Variants in SF1 observed in about 807,000 individuals in gnomAD.
SF1 encodes the protein splicing factor 1.
A neutral mutation model predicts 62.5 loss-of-function variants in SF1; 7 were observed. The ratio of observed to expected loss-of-function variants is 0.11; its 90% CI spans 0.06 to 0.21. The LOEUF (loss-of-function observed/expected upper bound fraction) is 0.21. Among genes scored for constraint, SF1 ranks in the 10% least tolerant of loss-of-function variants. The pLI is 1.00. For synonymous variants in SF1, 394 were observed against 323.6 expected (o/e 1.22, Z -2.33); for missense variants, 578 against 884.0 (o/e 0.65, Z 4.39).
intron 12 of SF1, 67 bp downstream of exon 12, chr11:64,766,833 C>T (rs947478920): frequency 3.1e-6 from 4 of 1,289,484 alleles, no homozygotes; most frequent in African/African-American, 3.0e-5. Flanking sequence ...TTGTGTGAGG[C>T]TCTATGGTTC....
At chr11:64,768,340 G>A in intron 8 of SF1, 54 bp from the exon 9 acceptor site, 5 of 1,554,236 alleles carry the variant, frequency 3.2e-6, no homozygotes, top group Non-Finnish European at 4.4e-6. Flanking sequence ...TGTTAAGAAG[G>A]AAGCTTTTAT....
In SF1 at chr11:64,767,732, G is replaced by A; in HGVS notation, c.1181C>T (p.Pro394Leu). The A allele has an allele frequency of 6.2e-7, 1 of 1,613,072 alleles. No individual in the cohort carries two copies. The highest frequency in any genetic ancestry group is 1.1e-5 in the South Asian group (1 of 91,018). The change falls in exon 10 of 13, where the codon CCC becomes CTC. Residue 394 changes from proline to leucine, a missense_variant. Coordinates refer to ENST00000377390, the MANE Select transcript of SF1 (RefSeq NM_004630.4). ...GGGPGGPGGG[P>L]HSFPHPLPSL... ...GGGTAATGGGTGTGGGAAGCTGTGG[G>A]GGCCACCTCCGGGCCCACCAGGACC...
chr11:64,768,417 C>T (rs1436229616), intron 8 of SF1, 131 bp from the exon 9 acceptor site: 3 of 806,796 alleles, frequency 3.7e-6, no homozygotes, highest in Non-Finnish European at 6.0e-6. Context: ...ATCTTTCTAA[C>T]CCCTTACTGG....
chr11:64,777,844 G>C, intron 1 of SF1: 2 of 942,424 alleles, frequency 2.1e-6, no homozygotes, highest in South Asian at 4.9e-5. Flanking sequence ...GGCCGCGCGC[G>C]CCCAGGGGCG....
chr11:64,769,447 G>A lies in SF1; in HGVS notation c.642C>T (p.Asn214=), dbSNP rs749430585. 15 of 1,614,102 alleles carry A rather than the reference G, an allele frequency of 9.3e-6. No individual in the cohort carries two copies. Among genetic ancestry groups the A allele is most frequent in the South Asian group, 2.2e-5 (2 of 91,078 alleles). Reference sequence around the variant, plus strand: ...TCACCTGTTCCACTGCCTTTTTGACGTTCTCCATTGTATTGGCAGTAACCA... The same window carrying A: ...TCACCTGTTCCACTGCCTTTTTGACATTCTCCATTGTATTGGCAGTAACCA... ...HALVTANTME[N]VKKAVEQIRN... Residue 214 remains asparagine (N), a synonymous_variant, in exon 6 of 13, where the codon AAC becomes AAT. Transcript: ENST00000377390.
At chr11:64,778,317 C>T (rs1331338248) in intron 1 of SF1, 45 bp downstream of exon 1, 13 of 1,223,420 alleles carry the variant, frequency 1.1e-5, no homozygotes, top group African/African-American at 1.6e-5. Context: ...TCGAAGCCTC[C>T]TTTGGGCCCG....
rs528197431 is a variant in SF1 at position 64,776,363 on chromosome 11, G to A, written c.160+135C>T. ...AGAACTCACTGGGCAAAAACTGACA[G>A]ATGATACCAAAGTCGTGAAAGTATC... is the stretch of plus-strand genomic sequence containing the variant. On this transcript the variant is annotated intron_variant, in intron 2 of 12. Coordinates refer to ENST00000377390, the MANE Select transcript of SF1 (RefSeq NM_004630.4). 7.3e-6 allele frequency: 7 copies of A among 958,336 alleles called. No individual in the cohort carries two copies. The African/African-American group carries it at 8.2e-5, about 11-fold the overall frequency. The allele number at this position is 958,336 out of a possible 1,614,324, so 59.4% of individuals were successfully genotyped here. A position where few individuals can be genotyped will look rare whatever the true frequency, so the allele number is the denominator to read the frequency against.
chr11:64,773,038 ATATTT>A, intron 3 of SF1: 2 of 1,013,548 alleles, frequency 2.0e-6, no homozygotes, highest in Non-Finnish European at 2.4e-6. Context: ...ATGCTCAAAA[ATATTT>A]TTAGTCCCTG....
At chr11:64,775,993 G>C (rs941134435) in intron 2 of SF1, 1 of 157,372 alleles carries the variant, frequency 6.4e-6, no homozygotes, top group African/African-American at 2.4e-5. Context: ...AAAATAAAAA[G>C]GGGTAAATTG....
In SF1 at chr11:64,778,378, C is replaced by A. The variant is rs956276645; in HGVS notation, c.15G>T (p.Ala5=). The change falls in exon 1 of 13, where the codon GCG becomes GCT. Residue 5 remains alanine (A), a synonymous_variant. Transcript: ENST00000377390. MATG[A]NATPLDFPSK... ...CCAGCTTACCCAACGGCGTGGCGTTCGCTCCGGTCGCCATGGCGCCCCCGG... is the reference window on the plus strand; with the variant it reads ...CCAGCTTACCCAACGGCGTGGCGTTAGCTCCGGTCGCCATGGCGCCCCCGG... 72 of 1,227,840 alleles carry A rather than the reference C, an allele frequency of 5.9e-5. No homozygotes were observed. The highest frequency in any genetic ancestry group is 3.8e-4 in the Admixed American group (9 of 23,678). The allele number at this position is 1,227,840 out of a possible 1,614,324, so 76.1% of individuals were successfully genotyped here. A position where few individuals can be genotyped will look rare whatever the true frequency, so the allele number is the denominator to read the frequency against.
At chr11:64,770,090 G>C in intron 4 of SF1, 37 bp from the exon 5 acceptor site, 2 of 1,588,386 alleles carry the variant, frequency 1.3e-6, no homozygotes, top group Non-Finnish European at 1.7e-6. Flanking sequence ...CACATTTCTG[G>C]AGAATGACAC....
At chr11:64,773,757 A>G (rs1286408163) in intron 2 of SF1, among the ~76,000 whole-genome samples, 8 of 152,202 alleles carry the variant, frequency 5.3e-5, no homozygotes. Context: ...GGGGTTAGCA[A>G]TAAAGACTGT....
rs775491499 is a variant in SF1, at chr11:64,773,508, G to A, written c.161-3C>T. 6.2e-7 allele frequency: 1 copy of A among 1,610,038 alleles called. No individual in the cohort carries two copies. On this transcript the variant is annotated splice_polypyrimidine_tract_variant and splice_region_variant and intron_variant, in intron 2 of 12. Coordinates refer to ENST00000377390, the MANE Select transcript of SF1 (RefSeq NM_004630.4). The stretch of plus-strand genomic sequence containing the variant: ...CAGGTCTTCTATCTGCAGTTGCACT[G>A]GAAGAAACCAGGTTAGGAAAGAAAA...
At position 64,766,158 on chromosome 11, in the gene SF1, G is replaced by A; in HGVS notation, c.1583-3C>T. The A allele has an allele frequency of 6.2e-7, 1 of 1,603,296 alleles. No individual in the cohort carries two copies. Among genetic ancestry groups the A allele is most frequent in the Non-Finnish European group, 8.5e-7 (1 of 1,179,524 alleles). ...GCTCGTGGTGGTAGTCGTCGTATCT[G>A]GGGTGGTAAAGAAGCCCAAGGTCAC... On this transcript the variant is annotated splice_region_variant and splice_polypyrimidine_tract_variant and intron_variant, in intron 12 of 12. Coordinates refer to ENST00000377390, the MANE Select transcript of SF1 (RefSeq NM_004630.4).
intron 2 of SF1, among the ~76,000 whole-genome samples, chr11:64,774,866 T>G (rs1287809932): frequency 6.8e-6 from 1 of 146,900 alleles, no homozygotes; most frequent in Non-Finnish European, 1.5e-5. Flanking sequence ...GAGGCTGAGG[T>G]GGGAGAATCA....
At chr11:64,773,540 A>T in intron 2 of SF1, 35 bp from the exon 3 acceptor site, 1 of 1,592,360 alleles carries the variant, frequency 6.3e-7, no homozygotes, top group Non-Finnish European at 8.5e-7. Flanking sequence ...AAAAAAAAGG[A>T]TGGAAAAAAG....
intron 6 of SF1, 29 bp downstream of exon 6, chr11:64,769,397 G>A (rs750771343): frequency 1.2e-6 from 2 of 1,613,558 alleles, no homozygotes; most frequent in African/African-American, 1.3e-5. Flanking sequence ...TTTCTGCTAG[G>A]AGGCTTCCTT....
chr11:64,769,924 C>G, intron 5 of SF1, 40 bp downstream of exon 5: 1 of 1,478,980 alleles, frequency 6.8e-7, no homozygotes, highest in Non-Finnish European at 9.4e-7. Context: ...CTCACAGGCT[C>G]TAAAGGAATT....
Position 64,767,308 on chromosome 11 carries a change from C to T in SF1, c.1343-57G>A, listed in dbSNP as rs903596541. The T allele has an allele frequency of 1.9e-6, 3 of 1,541,098 alleles. No homozygotes were observed. The Admixed American group carries it at 5.0e-5, about 26-fold the overall frequency. ...GGACATTGGAACTGGCCAGGGAAGC[C>T]ACCCCTGTGATAACCTCAGTTGCTA... On this transcript the variant is annotated intron_variant, in intron 10 of 12. Coordinates refer to ENST00000377390, the MANE Select transcript of SF1 (RefSeq NM_004630.4).
Sources: gnomAD v4.1 joint callset for allele counts (sites outside exome capture counted in the v4.1 genomes callset) on GRCh38, gnomAD v4.1.1 for gene constraint, MANE v1.5 for transcripts, NCBI Gene and HGNC (gene_info 2026-07-23, HGNC 2026-07-21) for gene names.